Variants in ITGA11 observed in about 807,000 individuals in gnomAD.
ITGA11 encodes integrin subunit alpha 11.
A neutral mutation model predicts 141.9 loss-of-function variants in ITGA11; 97 were observed. The ratio of observed to expected loss-of-function variants is 0.68; its 90% CI spans 0.58 to 0.81. The LOEUF is 0.81. Among genes scored for constraint, ITGA11 ranks in the 30% least tolerant of loss-of-function variants. The pLI is 0.00. For synonymous variants in ITGA11, 658 were observed against 624.6 expected (o/e 1.05, Z -0.80); for missense variants, 1,387 against 1,559.2 (o/e 0.89, Z 1.86).
At chr15:68,374,467 G>A (rs1026145255) in intron 2 of ITGA11, among the ~76,000 whole-genome samples, 2 of 152,202 alleles carry the variant, frequency 1.3e-5, no homozygotes, top group Admixed American at 6.5e-5. Flanking sequence ...CTGTGTCTGA[G>A]GCCTCAGACA....
intron 10 of ITGA11, among the ~76,000 whole-genome samples, chr15:68,342,997 T>TTCTTCTCTCTCTCTCTC (rs1894619538): frequency 6.9e-5 from 10 of 143,930 alleles, no homozygotes; most frequent in African/African-American, 2.6e-4. Flanking sequence ...GGGCAAGTTC[T>TTCTTCTCTCTCTCTCTC]TCTCTCTCTC....
At position 68,335,836 on chromosome 15, in the gene ITGA11, A is replaced by G; in HGVS notation, c.1286T>C (p.Val429Ala). 1 of 1,612,816 alleles carries G rather than the reference A, an allele frequency of 6.2e-7. No homozygotes were observed. Among genetic ancestry groups the G allele is most frequent in the East Asian group, 2.2e-5 (1 of 44,860 alleles). Residue 429 changes from valine to alanine, a missense_variant, in exon 12 of 30, where the codon GTC becomes GCC. Val to Ala is a moderately conservative substitution (Grantham distance 64, BLOSUM62 0). Transcript: ENST00000315757. This position sits in a 1 kb window ranked among gnomAD's most constrained non-coding sequence, Gnocchi z 4.9. ...CTGCCTGGAGGACACGACCGATGTG[A>G]CTGTGTACCCTGCCACAGGAGGAAA... The part of the protein sequence containing the change: ...KNHGAYLGYT[V>A]TSVVSSRQGR...
Position 68,335,702 on chromosome 15 carries a change from G to A in ITGA11, c.1420C>T (p.Gln474Ter). ...SLTIHQAMRGQQIGSYFGSEI... is the reference protein window; with the variant it reads ...SLTIHQAMRG ...CCAGGCTCCCCCTCCATTACCTGCT[G>A]GCCCCGCATAGCCTGGTGGATGGTG... The change falls in exon 12 of 30, where the codon CAG becomes TAG. Residue 474 changes from glutamine to a stop codon, truncating the protein, a stop_gained. Transcript: ENST00000315757. LOFTEE classifies it high-confidence loss of function. The surrounding 1 kb of genome is among the most constrained non-coding windows in gnomAD (Gnocchi z 4.9). The A allele has an allele frequency of 1.2e-6, 2 of 1,613,580 alleles. No individual in the cohort carries two copies. The highest frequency in any genetic ancestry group is 2.2e-5 in the East Asian group (1 of 44,864).
intron 11 of ITGA11, among the ~76,000 whole-genome samples, chr15:68,338,872 C>A (rs1044125318): frequency 2.6e-5 from 4 of 152,196 alleles, no homozygotes; most frequent in Non-Finnish European, 5.9e-5. Flanking sequence ...CCCCTTGCCG[C>A]CCTCCCCTCT....
chr15:68,405,683 GGAGA>G (rs372297860), intron 1 of ITGA11, among the ~76,000 whole-genome samples: 1 of 151,846 alleles, frequency 6.6e-6, no homozygotes, highest in South Asian at 2.1e-4. Context: ...ATGTCACAGA[GGAGA>G]GAGAGAGAGA....
intron 10 of ITGA11, among the ~76,000 whole-genome samples, chr15:68,340,213 CA>C (rs10618087): frequency 0.019 from 2,668 of 143,330 alleles, 60 homozygotes; most frequent in African/African-American, 0.055. Context: ...CTTGAAGATA[CA>C]AAAAAAAAAA....
At chr15:68,412,566 C>T (rs531086819) in intron 1 of ITGA11, among the ~76,000 whole-genome samples, 1 of 152,066 alleles carries the variant, frequency 6.6e-6, no homozygotes, top group South Asian at 2.1e-4. Context: ...TCTCTCTTTC[C>T]AGTTGCTAGG....
At chr15:68,426,574 C>T (rs2140443649) in intron 1 of ITGA11, among the ~76,000 whole-genome samples, 1 of 152,314 alleles carries the variant, frequency 6.6e-6, no homozygotes, top group South Asian at 2.1e-4. Flanking sequence ...GGCCTAGAAG[C>T]TGGTGCCCCT....
Position 68,357,311 on chromosome 15 carries a change from A to T in ITGA11, c.601-12T>A. On this transcript the variant is annotated splice_polypyrimidine_tract_variant and intron_variant, in intron 6 of 29. Coordinates refer to ENST00000315757, the MANE Select transcript of ITGA11 (RefSeq NM_001004439.2). The stretch of plus-strand genomic sequence containing the variant: ...TGCACAACTCCAACCTGCAAGGGAG[A>T]GGAGAGGGCAACAGAACATTTTGAC... The T allele has an allele frequency of 6.2e-7, 1 of 1,607,258 alleles. No homozygotes were observed. Among genetic ancestry groups the T allele is most frequent in the South Asian group, 1.1e-5 (1 of 89,460 alleles).
chr15:68,392,468 G>A (rs1896144902), intron 2 of ITGA11, among the ~76,000 whole-genome samples: 1 of 152,266 alleles, frequency 6.6e-6, no homozygotes, highest in East Asian at 1.9e-4. Flanking sequence ...GAGGAAATAG[G>A]GATTGGAGTT....
chr15:68,315,556 G>A (rs916585846), intron 22 of ITGA11, 95 bp downstream of exon 22: 238 of 1,037,912 alleles, frequency 2.3e-4, no homozygotes, highest in South Asian at 2.4e-4. Context: ...GCGTGGGGCA[G>A]CGGACTCAGT....
chr15:68,405,065 T>C (rs1236806249), intron 1 of ITGA11, among the ~76,000 whole-genome samples: 1 of 151,410 alleles, frequency 6.6e-6, no homozygotes, highest in Non-Finnish European at 1.5e-5. Flanking sequence ...CCCTGGGCAC[T>C]GACCCCCTGC....
At position 68,351,244 on chromosome 15, in the gene ITGA11, G is replaced by A. The variant is rs368779968; in HGVS notation, c.894+14C>T. ...CAGAGGCCATCAGCAGCCCTTGGGCGGGCCAGGACTTACGGCCACCGCATA... is the reference window on the plus strand; with the variant it reads ...CAGAGGCCATCAGCAGCCCTTGGGCAGGCCAGGACTTACGGCCACCGCATA... On this transcript the variant is annotated intron_variant, in intron 8 of 29. Coordinates refer to ENST00000315757, the MANE Select transcript of ITGA11 (RefSeq NM_001004439.2). The A allele has an allele frequency of 3.6e-5, 58 of 1,613,284 alleles. No homozygotes were observed. Among genetic ancestry groups the A allele is most frequent in the African/African-American group, 5.3e-5 (4 of 74,904 alleles).
In ITGA11 at chr15:68,308,298, G is replaced by T. The variant is rs1028500254; in HGVS notation, c.3175-602C>A. 6.6e-6 allele frequency among the ~76,000 whole-genome samples: 1 copy of T among 152,166 alleles called. No homozygotes were observed. The highest frequency in any genetic ancestry group is 6.5e-5 in the Admixed American group (1 of 15,286). Reference sequence around the variant, plus strand: ...AAAAGAGCCCCTATCTGAGCAACATGAATTCTGCTAAAATTGAAGCAAAAA... The same window carrying T: ...AAAAGAGCCCCTATCTGAGCAACATTAATTCTGCTAAAATTGAAGCAAAAA... On this transcript the variant is annotated intron_variant, in intron 26 of 29. Transcript: ENST00000315757. This position sits in a 1 kb window ranked among gnomAD's most constrained non-coding sequence, Gnocchi z 5.2.
intron 2 of ITGA11, among the ~76,000 whole-genome samples, chr15:68,386,583 T>C (rs1895990364): frequency 6.6e-6 from 1 of 152,132 alleles, no homozygotes; most frequent in South Asian, 2.1e-4. Flanking sequence ...AAGAGAAGCT[T>C]CTATTTCCCA....
At chr15:68,380,764 G>A (rs909484772) in intron 2 of ITGA11, among the ~76,000 whole-genome samples, 5 of 152,176 alleles carry the variant, frequency 3.3e-5, no homozygotes, top group Non-Finnish European at 7.4e-5. Flanking sequence ...GGTGGGATCT[G>A]GAGGGACAGA....
chr15:68,336,872 G>A (rs1234639003), intron 11 of ITGA11, among the ~76,000 whole-genome samples: 1 of 152,180 alleles, frequency 6.6e-6, no homozygotes, highest in East Asian at 1.9e-4. Flanking sequence ...GCTATAGGGT[G>A]TACAGATGAG....
intron 20 of ITGA11, among the ~76,000 whole-genome samples, chr15:68,319,901 G>T (rs114932303): frequency 3.9e-5 from 6 of 152,270 alleles, no homozygotes; most frequent in African/African-American, 1.4e-4. Flanking sequence ...TCCAGAGGAG[G>T]AGTCTGGGGG....
chr15:68,355,218 C>T (rs577459040), intron 7 of ITGA11, among the ~76,000 whole-genome samples: 14 of 152,132 alleles, frequency 9.2e-5, no homozygotes, highest in African/African-American at 2.7e-4. Flanking sequence ...GGTCTCACCC[C>T]GAAGAAGGCA....
Sources: gnomAD v4.1 joint callset for allele counts (sites outside exome capture counted in the v4.1 genomes callset) on GRCh38, gnomAD v4.1.1 for gene constraint, Gnocchi (gnomAD v3.1) non-coding constraint, MANE v1.5 for transcripts, NCBI Gene and HGNC (gene_info 2026-07-23, HGNC 2026-07-21) for gene names.